The following ANKS1B variants were observed in gnomAD, a reference collection of about 807,000 sequenced individuals.
ANKS1B encodes ankyrin repeat and sterile alpha motif domain-containing protein 1B.
A neutral mutation model predicts 148.3 loss-of-function variants in ANKS1B; 36 were observed. That is an observed-to-expected ratio of 0.24 (90% CI 0.19 to 0.32). The LOEUF (loss-of-function observed/expected upper bound fraction) is 0.32. ANKS1B is among the 10% of genes least tolerant of loss of function. ANKS1B has a pLI of 1.00. For missense variants in ANKS1B, 1,157 were observed against 1,542.6 expected (o/e 0.75, Z 4.19); for synonymous variants, 542 against 560.8 (o/e 0.97, Z 0.47).
At chr12:99,943,811 C>T (rs199907173) in intron 1 of ANKS1B, among the ~76,000 whole-genome samples, 1 of 146,728 alleles carries the variant, frequency 6.8e-6, no homozygotes. Context: ...AACTCATTCT[C>T]TTTTTTTTAA....
intron 10 of ANKS1B, among the ~76,000 whole-genome samples, chr12:99,462,380 G>A (rs914012926): frequency 6.6e-6 from 1 of 152,188 alleles, no homozygotes; most frequent in Admixed American, 6.5e-5. Flanking sequence ...CCCAGTTTCA[G>A]AATTCCCTAG....
chr12:98,777,420 A>G (rs2098690328), intron 24 of ANKS1B, among the ~76,000 whole-genome samples: 1 of 152,216 alleles, frequency 6.6e-6, no homozygotes, highest in African/African-American at 2.4e-5. Flanking sequence ...GGGAGTCAGC[A>G]CAGGAAGGCA....
At chr12:99,607,574 G>C (rs1500671) in intron 9 of ANKS1B, among the ~76,000 whole-genome samples, 33,803 of 151,888 alleles carry the variant, frequency 0.22, 4,189 homozygotes, top group Non-Finnish European at 0.28. Flanking sequence ...AGATCCTACA[G>C]CTTTAACTTT....
chr12:99,531,539 T>C (rs1167594573), intron 9 of ANKS1B, among the ~76,000 whole-genome samples: 1 of 152,228 alleles, frequency 6.6e-6, no homozygotes, highest in Non-Finnish European at 1.5e-5. Context: ...AAAGACATAA[T>C]TTCATTCTTT....
chr12:99,436,370 A>G (rs983895873), intron 11 of ANKS1B, among the ~76,000 whole-genome samples: 1 of 152,092 alleles, frequency 6.6e-6, no homozygotes, highest in Non-Finnish European at 1.5e-5. Context: ...TGTGAGAAAC[A>G]AATGAAACAC....
At chr12:98,742,332 A>G (rs1395771323), downstream of ANKS1B, among the ~76,000 whole-genome samples, 1 of 150,024 alleles carries the variant, frequency 6.7e-6, no homozygotes, top group South Asian at 2.1e-4. Context: ...GGAAAGTTAA[A>G]TGCCCATGCA....
intron 4 of ANKS1B, among the ~76,000 whole-genome samples, chr12:99,792,139 A>T (rs143807209): frequency 3.3e-5 from 5 of 152,100 alleles, no homozygotes; most frequent in Non-Finnish European, 7.4e-5. Context: ...AAATGGAAAA[A>T]TCTAGAAGAA....
chr12:99,690,171 T>G (rs1298374314), intron 8 of ANKS1B, among the ~76,000 whole-genome samples: 1 of 152,024 alleles, frequency 6.6e-6, no homozygotes, highest in African/African-American at 2.4e-5. Flanking sequence ...GAGAACAGCA[T>G]AGGGGAAACC....
chr12:99,582,117 A>G (rs1034057876), intron 9 of ANKS1B, among the ~76,000 whole-genome samples: 9 of 152,060 alleles, frequency 5.9e-5, no homozygotes, highest in African/African-American at 2.2e-4. Flanking sequence ...GATGCTTAAC[A>G]TCATTGATCA....
chr12:98,865,819 T>C (rs986823414), intron 17 of ANKS1B, among the ~76,000 whole-genome samples: 4 of 152,080 alleles, frequency 2.6e-5, no homozygotes, highest in Non-Finnish European at 4.4e-5. Context: ...TCTTAATCCA[T>C]TTGGGCTGCT....
intron 14 of ANKS1B, among the ~76,000 whole-genome samples, chr12:99,190,419 A>G (rs776222869): frequency 3.9e-5 from 6 of 152,234 alleles, no homozygotes; most frequent in Admixed American, 1.3e-4. Flanking sequence ...AACTGGGGAC[A>G]TCATGCTACC....
At chr12:99,832,591 G>A (rs1257763378) in intron 1 of ANKS1B, among the ~76,000 whole-genome samples, 2 of 151,982 alleles carry the variant, frequency 1.3e-5, no homozygotes, top group African/African-American at 4.8e-5. Context: ...AGGCATGGTG[G>A]TGCATGCCTG....
chr12:98,873,723 A>C (rs2099679056), intron 17 of ANKS1B, among the ~76,000 whole-genome samples: 1 of 152,228 alleles, frequency 6.6e-6, no homozygotes, highest in South Asian at 2.1e-4. Flanking sequence ...AAGTTCCAGA[A>C]CCAATGATTC....
At chr12:99,432,486 G>T (rs538454182) in intron 11 of ANKS1B, among the ~76,000 whole-genome samples, 1 of 152,164 alleles carries the variant, frequency 6.6e-6, no homozygotes, top group African/African-American at 2.4e-5. Context: ...AAAAGAGAGG[G>T]ATGGAAGGAA....
In ANKS1B at chr12:99,472,172, T is replaced by C. The variant is rs757481139; in HGVS notation, c.1439-28363A>G. Among the ~76,000 whole-genome samples the C allele has an allele frequency of 1.8e-4, 27 of 152,048 alleles. 1 individual carries two copies. Among genetic ancestry groups the C allele is most frequent in the Non-Finnish European group, 3.2e-4 (22 of 67,972 alleles). On this transcript the variant is annotated intron_variant, in intron 10 of 26. Transcript: ENST00000683438. ...AAATGTATCCAGTTCTCAGAACATA[T>C]CTATGTCTCCTCTAATTTGTAGGTC...
At chr12:99,623,352 A>G (rs1267598424) in intron 9 of ANKS1B, among the ~76,000 whole-genome samples, 1 of 152,042 alleles carries the variant, frequency 6.6e-6, no homozygotes, top group Non-Finnish European at 1.5e-5. Flanking sequence ...GAATCATACA[A>G]TAATGGTCAC....
At chr12:99,483,803 G>C (rs1055800882) in intron 10 of ANKS1B, among the ~76,000 whole-genome samples, 2 of 151,900 alleles carry the variant, frequency 1.3e-5, no homozygotes, top group Non-Finnish European at 2.9e-5. Flanking sequence ...GTTCACAGTA[G>C]CATCCAATGA....
At chr12:98,996,010 A>G (rs1175280454) in intron 17 of ANKS1B, among the ~76,000 whole-genome samples, 1 of 151,778 alleles carries the variant, frequency 6.6e-6, no homozygotes, top group Non-Finnish European at 1.5e-5. Flanking sequence ...GGAAAGAACT[A>G]CCGAAGGACT....
At chr12:99,565,641 T>G (rs991072043) in intron 9 of ANKS1B, among the ~76,000 whole-genome samples, 2 of 152,208 alleles carry the variant, frequency 1.3e-5, no homozygotes, top group Non-Finnish European at 2.9e-5. Flanking sequence ...CCTTCCTTTT[T>G]CATGAAAGGT....
Sources: allele counts gnomAD v4.1 joint callset (sites outside exome capture counted in the v4.1 genomes callset), GRCh38; gene constraint gnomAD v4.1.1; transcripts MANE v1.5; gene names NCBI Gene and HGNC (gene_info 2026-07-23, HGNC 2026-07-21).